Variants in SMIM21 observed in about 807,000 individuals in gnomAD.
SMIM21 encodes chromosome 18 open reading frame 62.
A neutral mutation model predicts 8.6 loss-of-function variants in SMIM21; 8 were observed. That is an observed-to-expected ratio of 0.93 (90% CI 0.55 to 1.68). The LOEUF is 1.68. SMIM21 is among the 40% of genes most tolerant of loss of function. The probability of loss-of-function intolerance (pLI) is 0.00; values close to 1 mark genes in which losing one functional copy is unlikely to be tolerated. For synonymous variants in SMIM21, 43 were observed against 41.7 expected (o/e 1.03, Z -0.12); for missense variants, 132 against 123.0 (o/e 1.07, Z -0.35).
At position 75,427,488 on chromosome 18, in the gene SMIM21, C is replaced by T; in HGVS notation, c.76G>A (p.Gly26Arg). The T allele has an allele frequency of 6.2e-7, 1 of 1,614,106 alleles. No homozygotes were observed. Among genetic ancestry groups the T allele is most frequent in the Non-Finnish European group, 8.5e-7 (1 of 1,179,992 alleles). Residue 26 changes from glycine (G) to arginine (R), a missense_variant, in exon 1 of 3, where the codon GGA becomes AGA. By Grantham distance (125) the Gly-to-Arg change is moderately radical. Coordinates refer to ENST00000579022, the MANE Select transcript of SMIM21 (RefSeq NM_001037331.3). ...TTCCCCTTGAATATCCGTCCCATTC[C>T]TGCAGAGTCTTGTTTAAATGTTCCC... ...QLGTFKQDSA[G>R]MGRIFKGNLL...
In SMIM21 at chr18:75,410,303, A is replaced by C. The variant is rs988829596; in HGVS notation, c.*561T>G. On this transcript the variant is annotated 3_prime_UTR_variant, in exon 3 of 3. Coordinates refer to ENST00000579022, the MANE Select transcript of SMIM21 (RefSeq NM_001037331.3). ...TTCTCAGTGTGTCTCTGCTGGTTTT[A>C]TTACAGTAATGAGGACTGTCGGTTT... is the stretch of plus-strand genomic sequence containing the variant. 1.3e-5 allele frequency: 2 copies of C among 152,812 alleles called. No homozygotes were observed. The highest frequency in any genetic ancestry group is 2.9e-5 in the Non-Finnish European group (2 of 68,194). 9.5% of individuals were successfully genotyped at this position (152,812 alleles called of 1,614,324 possible).
chr18:75,421,503 G>A (rs1484424180), intron 1 of SMIM21, among the ~76,000 whole-genome samples: 2 of 151,940 alleles, frequency 1.3e-5, no homozygotes, highest in African/African-American at 4.8e-5. Flanking sequence ...GAGCTGAGGA[G>A]GTGGTGTGTG....
Position 75,410,600 on chromosome 18 carries a change from G to A in SMIM21, c.*264C>T. 1 of 743,464 alleles carries A rather than the reference G, an allele frequency of 1.3e-6. No individual in the cohort carries two copies. Among genetic ancestry groups the A allele is most frequent in the Admixed American group, 3.6e-5 (1 of 27,698 alleles). The allele number at this position is 743,464 out of a possible 1,614,324, so 46.1% of individuals were successfully genotyped here. A position where few individuals can be genotyped will look rare whatever the true frequency, so the allele number is the denominator to read the frequency against. ...ACTGCTGGATCTGTTTCGACACGCA[G>A]GGCAGATTTCGCAGGGTTGGGTGGC... On this transcript the variant is annotated 3_prime_UTR_variant, in exon 3 of 3. Transcript: ENST00000579022.
At chr18:75,421,050 TG>T (rs1380367008) in intron 1 of SMIM21, among the ~76,000 whole-genome samples, 1 of 152,224 alleles carries the variant, frequency 6.6e-6, no homozygotes, top group Non-Finnish European at 1.5e-5. Context: ...TGGAGGCACC[TG>T]GACTTCTCTA....
At chr18:75,422,706 C>T (rs948419154) in intron 1 of SMIM21, among the ~76,000 whole-genome samples, 3 of 152,176 alleles carry the variant, frequency 2.0e-5, no homozygotes, top group African/African-American at 7.2e-5. Flanking sequence ...GAGAGCCAGT[C>T]ACAAAAGACC....
Position 75,427,585 on chromosome 18 carries a change from A to G in SMIM21, c.-22T>C. On this transcript the variant is annotated 5_prime_UTR_variant, in exon 1 of 3. Coordinates refer to ENST00000579022, the MANE Select transcript of SMIM21 (RefSeq NM_001037331.3). ...CCATGTGGGGGCTGCGGCGGTGACCAGTGAGAGGTCTCCTTGATGACAGCG... is the reference window on the plus strand; with the variant it reads ...CCATGTGGGGGCTGCGGCGGTGACCGGTGAGAGGTCTCCTTGATGACAGCG... 6.4e-7 allele frequency: 1 copy of G among 1,566,752 alleles called. No individual in the cohort carries two copies. The highest frequency in any genetic ancestry group is 8.7e-7 in the Non-Finnish European group (1 of 1,154,040).
chr18:75,419,453 C>A (rs1398762235), intron 1 of SMIM21, among the ~76,000 whole-genome samples: 1 of 152,092 alleles, frequency 6.6e-6, no homozygotes, highest in African/African-American at 2.4e-5. Flanking sequence ...GCAGAGGTTA[C>A]AATTCATAGC....
At chr18:75,415,293 G>A (rs929869647) in intron 2 of SMIM21, among the ~76,000 whole-genome samples, 2 of 152,214 alleles carry the variant, frequency 1.3e-5, no homozygotes, top group African/African-American at 2.4e-5. Flanking sequence ...ATAGCCAAGC[G>A]GTGATCAGCA....
At chr18:75,413,012 A>G (rs971296407) in intron 2 of SMIM21, among the ~76,000 whole-genome samples, 2 of 152,138 alleles carry the variant, frequency 1.3e-5, no homozygotes, top group African/African-American at 2.4e-5. Context: ...GTACAAATGC[A>G]TCGTCTCCTC....
At chr18:75,426,197 A>C (rs954312695) in intron 1 of SMIM21, among the ~76,000 whole-genome samples, 2 of 152,224 alleles carry the variant, frequency 1.3e-5, no homozygotes, top group Admixed American at 1.3e-4. Flanking sequence ...TCGACTTACA[A>C]CTATCACATA....
intron 1 of SMIM21, chr18:75,419,155 G>C (rs2024683510): frequency 3.4e-6 from 1 of 294,628 alleles, no homozygotes; most frequent in East Asian, 5.9e-5. Context: ...AGAATTTTAA[G>C]TATCAGTGTA....
intron 2 of SMIM21, among the ~76,000 whole-genome samples, chr18:75,414,578 A>G (rs1370632868): frequency 6.6e-6 from 1 of 152,202 alleles, no homozygotes; most frequent in African/African-American, 2.4e-5. Flanking sequence ...GGAGAACTAC[A>G]GTGGCTAAGG....
intron 2 of SMIM21, among the ~76,000 whole-genome samples, chr18:75,414,450 A>ACCC (rs2024622226): frequency 6.6e-6 from 1 of 152,142 alleles, no homozygotes; most frequent in Admixed American, 6.5e-5. Context: ...CTTCCTACTT[A>ACCC]AGAGGAACCC....
chr18:75,425,693 T>A (rs532039884), intron 1 of SMIM21, among the ~76,000 whole-genome samples: 1 of 152,316 alleles, frequency 6.6e-6, no homozygotes, highest in East Asian at 1.9e-4. Flanking sequence ...GCTTAGCACA[T>A]GGGTAGGAAG....
At chr18:75,422,944 A>G (rs746161424) in intron 1 of SMIM21, among the ~76,000 whole-genome samples, 10 of 152,256 alleles carry the variant, frequency 6.6e-5, no homozygotes, top group Non-Finnish European at 1.3e-4. Flanking sequence ...GCTACATTTT[A>G]TAGTAAGTAA....
intron 1 of SMIM21, chr18:75,419,138 G>T: frequency 2.9e-6 from 1 of 339,780 alleles, no homozygotes; most frequent in Non-Finnish European, 5.3e-6. Flanking sequence ...CTTGAGATCT[G>T]CCGTGTAGAA....
rs768338496 is a variant in SMIM21 at position 75,418,790 on chromosome 18, G to T, written c.256C>A (p.Arg86=). 1.9e-6 allele frequency: 3 copies of T among 1,600,582 alleles called. No individual in the cohort carries two copies. In the Admixed American group the frequency reaches 5.2e-5, roughly 28 times the overall value. ...CTAAGGTTATCGTTTACCTACTTTC[G>T]AAATATGCTGTTGGCCCTTTTCCAG... ...EDWKRANSIF[R]NFLRLKSSRN... The change falls in exon 2 of 3, where the codon CGA becomes AGA. Residue 86 remains arginine, a synonymous_variant. Transcript: ENST00000579022.
Position 75,427,458 on chromosome 18 carries a change from G to A in SMIM21, c.106C>T (p.Leu36=), listed in dbSNP as rs780960080. ...GMGRIFKGNL[L]QKKALTTFEN... Reference sequence around the variant, plus strand: ...ACTGTGGTAAGTGCTTTCTTCTGCAGCAAATTCCCCTTGAATATCCGTCCC... The same window carrying A: ...ACTGTGGTAAGTGCTTTCTTCTGCAACAAATTCCCCTTGAATATCCGTCCC... Residue 36 remains leucine (L), a synonymous_variant, in exon 1 of 3, where the codon CTG becomes TTG. Transcript: ENST00000579022. 1.2e-6 allele frequency: 2 copies of A among 1,613,878 alleles called. No individual in the cohort carries two copies. Among genetic ancestry groups the A allele is most frequent in the African/African-American group, 2.7e-5 (2 of 74,896 alleles).
At chr18:75,425,746 C>G (rs956191807) in intron 1 of SMIM21, among the ~76,000 whole-genome samples, 1 of 152,178 alleles carries the variant, frequency 6.6e-6, no homozygotes, top group Non-Finnish European at 1.5e-5. Context: ...AAGATGAACT[C>G]TTTTACATTT....
Sources: gnomAD v4.1 joint callset for allele counts (sites outside exome capture counted in the v4.1 genomes callset) on GRCh38, gnomAD v4.1.1 for gene constraint, MANE v1.5 for transcripts, NCBI Gene and HGNC (gene_info 2026-07-23, HGNC 2026-07-21) for gene names.